Variants in AHI1 observed in about 807,000 individuals in gnomAD.
AHI1 encodes the protein jouberin.
Under a neutral mutation model 149.3 loss-of-function variants are expected in AHI1, and 123 were observed. The observed-to-expected ratio is 0.82, with a 90% CI of 0.71 to 0.96. The LOEUF is 0.96. Ranked by LOEUF, AHI1 falls within the 40% of genes least tolerant of loss-of-function variation. AHI1 has a pLI of 0.00. For synonymous variants in AHI1, 475 were observed against 459.8 expected, an observed-to-expected ratio of 1.03 and a Z score of -0.42; for missense variants, 1,439 against 1,422.7, an observed-to-expected ratio of 1.01 and a Z score of -0.18.
chr6:135,299,080 T>A (rs1265580115), intron 27 of AHI1, among the ~76,000 whole-genome samples: 1 of 152,202 alleles, frequency 6.6e-6, no homozygotes, highest in Non-Finnish European at 1.5e-5. Flanking sequence ...GTTTATCTAC[T>A]ATTATGTAAA....
rs1786313203 is a variant in AHI1 at position 135,318,507 on chromosome 6, A to T, written c.3426+12T>A. The stretch of plus-strand genomic sequence containing the variant: ...AAGTACATATGTAATACGTATGCTC[A>T]AAAACATTTACCTTTTGAGGAGCTG... On this transcript the variant is annotated intron_variant, in intron 26 of 28. Coordinates refer to ENST00000265602, the MANE Select transcript of AHI1 (RefSeq NM_001134831.2). 2.6e-6 allele frequency: 4 copies of T among 1,545,494 alleles called. No individual in the cohort carries two copies. The highest frequency in any genetic ancestry group is 3.5e-6 in the Non-Finnish European group (4 of 1,132,822).
At chr6:135,397,578 T>C (rs1277844949) in intron 22 of AHI1, among the ~76,000 whole-genome samples, 1 of 152,056 alleles carries the variant, frequency 6.6e-6, no homozygotes, top group African/African-American at 2.4e-5. Flanking sequence ...GCCTACTCTT[T>C]TAGGGTATAA....
chr6:135,433,156 C>G lies in AHI1; in HGVS notation c.2137G>C (p.Val713Leu), dbSNP rs570782244. ...AKFHPAVREL[V>L]VTGCYDSMIR... ...ATGGAATCATAGCATCCTGTAACTACTAGCTCTCTTACAGCTGGATGGAAT... is the reference window on the plus strand; with the variant it reads ...ATGGAATCATAGCATCCTGTAACTAGTAGCTCTCTTACAGCTGGATGGAAT... The change falls in exon 16 of 29, where the codon GTA becomes CTA. Residue 713 changes from valine to leucine, a missense_variant. Val to Leu is a conservative substitution (Grantham distance 32). Coordinates refer to ENST00000265602, the MANE Select transcript of AHI1 (RefSeq NM_001134831.2). 6.2e-7 allele frequency: 1 copy of G among 1,613,022 alleles called. No individual in the cohort carries two copies. The highest frequency in any genetic ancestry group is 1.1e-5 in the South Asian group (1 of 91,068).
At chr6:135,467,042 C>T (rs1237842506) in intron 6 of AHI1, among the ~76,000 whole-genome samples, 19 of 152,036 alleles carry the variant, frequency 1.2e-4, no homozygotes, top group Admixed American at 1.2e-3. Flanking sequence ...TAGAGGATGA[C>T]CAATCGAGGA....
At chr6:135,393,784 T>C (rs1345711595) in intron 23 of AHI1, among the ~76,000 whole-genome samples, 1 of 152,092 alleles carries the variant, frequency 6.6e-6, no homozygotes, top group African/African-American at 2.4e-5. Context: ...TGTTTTCATA[T>C]GTGCAATCTC....
Position 135,327,741 on chromosome 6 carries a change from C to G in AHI1, c.3166-4417G>C, listed in dbSNP as rs182052120. 7.2e-5 allele frequency among the ~76,000 whole-genome samples: 11 copies of G among 152,172 alleles called. No homozygotes were observed. In the East Asian group the frequency reaches 2.1e-3, roughly 29 times the overall value. ...TGAGCAATCAGAGGGTCCTTCCCCC[C>G]TCTACCCTGGAGGAAGGAATGCTGA... On this transcript the variant is annotated intron_variant, in intron 24 of 28. Coordinates refer to ENST00000265602, the MANE Select transcript of AHI1 (RefSeq NM_001134831.2).
At chr6:135,495,428 A>G (rs1405845155) in intron 3 of AHI1, 1 of 152,188 alleles carries the variant, frequency 6.6e-6, no homozygotes, top group Admixed American at 6.6e-5. Context: ...CTTTTGTATC[A>G]TTACACACAT....
At chr6:135,471,240 A>C (rs1378667896) in intron 5 of AHI1, among the ~76,000 whole-genome samples, 1 of 152,204 alleles carries the variant, frequency 6.6e-6, no homozygotes, top group Non-Finnish European at 1.5e-5. Context: ...TTTATTTACC[A>C]CTGATCTGTC....
chr6:135,361,984 TCACC>T (rs1376085052), intron 23 of AHI1, among the ~76,000 whole-genome samples: 1 of 152,148 alleles, frequency 6.6e-6, no homozygotes, highest in Non-Finnish European at 1.5e-5. Flanking sequence ...CTTCTATCCC[TCACC>T]CCTGTCCCAC....
chr6:135,433,267 A>G lies in AHI1; in HGVS notation c.2037-11T>C, dbSNP rs371195588. The G allele has an allele frequency of 3.2e-6, 5 of 1,566,208 alleles. No individual in the cohort carries two copies. Among genetic ancestry groups the G allele is most frequent in the African/African-American group, 1.4e-5 (1 of 73,840 alleles). ...TCATTTTTCCATATCCTGGAAAAGG[A>G]TAAGAAGTTACATATTGCTTCTGAA... On this transcript the variant is annotated splice_polypyrimidine_tract_variant and intron_variant, in intron 15 of 28. Transcript: ENST00000265602.
intron 23 of AHI1, among the ~76,000 whole-genome samples, chr6:135,363,863 C>T (rs1183791931): frequency 6.7e-6 from 1 of 149,926 alleles, no homozygotes; most frequent in Non-Finnish European, 1.5e-5. Flanking sequence ...CCCCTCACCC[C>T]CCGGACGGGG....
At chr6:135,394,250 C>A (rs959217760) in intron 23 of AHI1, among the ~76,000 whole-genome samples, 7 of 152,010 alleles carry the variant, frequency 4.6e-5, no homozygotes, top group Admixed American at 1.3e-4. Context: ...CCTTTAAAAA[C>A]CTTATTGAAA....
chr6:135,431,359 GT>G, intron 16 of AHI1, 45 bp from the exon 17 acceptor site: 1 of 1,211,554 alleles, frequency 8.3e-7, no homozygotes, highest in Non-Finnish European at 1.2e-6. Context: ...GTCACACAGA[GT>G]TAGAAACAAA....
chr6:135,307,026 G>T (rs970836387), intron 26 of AHI1: 7 of 152,124 alleles, frequency 4.6e-5, no homozygotes, highest in African/African-American at 1.7e-4. Context: ...CCCAAACCAG[G>T]TCACCCAAAT....
chr6:135,317,968 A>G (rs1317720459), intron 26 of AHI1, among the ~76,000 whole-genome samples: 1 of 152,240 alleles, frequency 6.6e-6, no homozygotes, highest in African/African-American at 2.4e-5. Context: ...AAGTACTGCT[A>G]ACAACAGAAG....
chr6:135,396,889 G>A (rs1365084190), intron 22 of AHI1, among the ~76,000 whole-genome samples: 1 of 151,418 alleles, frequency 6.6e-6, no homozygotes, highest in Non-Finnish European at 1.5e-5. Context: ...GCCATTTATA[G>A]TCTTCTTCTT....
intron 26 of AHI1, among the ~76,000 whole-genome samples, chr6:135,310,623 CAT>C (rs1562477054): frequency 6.6e-6 from 1 of 152,182 alleles, no homozygotes; most frequent in Non-Finnish European, 1.5e-5. Flanking sequence ...TTCCTCTGCT[CAT>C]GTGAAGATTA....
rs549942881 is a variant in AHI1 at position 135,349,225 on chromosome 6, C to A, written c.3165+8907G>T. 2.0e-5 allele frequency among the ~76,000 whole-genome samples: 3 copies of A among 152,224 alleles called. No homozygotes were observed. In the East Asian group the frequency reaches 5.8e-4, roughly 29 times the overall value. On this transcript the variant is annotated intron_variant, in intron 24 of 28. Transcript: ENST00000265602. ...CCAGTCTTGAACTCTTGGCCTCAAG[C>A]GATCCTCCCGCCTCAGCCTCTCAAA...
chr6:135,396,879 GC>G (rs1318969657), intron 22 of AHI1, among the ~76,000 whole-genome samples: 1 of 151,094 alleles, frequency 6.6e-6, no homozygotes, highest in Non-Finnish European at 1.5e-5. Flanking sequence ...ACACACAATA[GC>G]CATTTATAGT....
Sources: gnomAD v4.1 joint callset for allele counts (sites outside exome capture counted in the v4.1 genomes callset) on GRCh38, gnomAD v4.1.1 for gene constraint, MANE v1.5 for transcripts, NCBI Gene and HGNC (gene_info 2026-07-23, HGNC 2026-07-21) for gene names.